CTNNAL1: variants seen among roughly 807,000 people sequenced by gnomAD.
CTNNAL1 encodes the protein alpha-catulin.
CTNNAL1 carries 69 observed loss-of-function variants against 93.6 expected under a neutral mutation model. The ratio of observed to expected loss-of-function variants is 0.74; its 90% CI spans 0.61 to 0.90. The LOEUF is 0.90. Ranked by LOEUF, CTNNAL1 falls within the 40% of genes least tolerant of loss-of-function variation. CTNNAL1 has a pLI of 0.00. For missense variants in CTNNAL1, 836 were observed against 862.0 expected (o/e 0.97, Z 0.38); for synonymous variants, 286 against 305.4 (o/e 0.94, Z 0.66).
chr9:108,942,943 A>G lies in CTNNAL1; in HGVS notation c.2139+18T>C, dbSNP rs192684778. The stretch of plus-strand genomic sequence containing the variant: ...CCATTTTTTAAAGTATGAGTCTAAA[A>G]TAGAAAAACTACCTCACCTTCTTCA... On this transcript the variant is annotated intron_variant, in intron 18 of 18. Coordinates refer to ENST00000325551, the MANE Select transcript of CTNNAL1 (RefSeq NM_003798.4). The G allele has an allele frequency of 6.2e-7, 1 of 1,611,062 alleles. No individual in the cohort carries two copies. Among genetic ancestry groups the G allele is most frequent in the Admixed American group, 1.7e-5 (1 of 59,492 alleles).
At chr9:108,986,441 G>A in intron 4 of CTNNAL1, among the ~76,000 whole-genome samples, 2 of 150,122 alleles carry the variant, frequency 1.3e-5, no homozygotes, top group South Asian at 2.2e-4. Context: ...TGGACATTTG[G>A]GTTGGTTCCA....
chr9:108,964,848 T>C lies in CTNNAL1; in HGVS notation c.1591+530A>G, dbSNP rs569015267. Among the ~76,000 whole-genome samples, 9 of 151,366 alleles carry C rather than the reference T, an allele frequency of 5.9e-5. No individual in the cohort carries two copies. The South Asian group carries it at 8.4e-4, about 14-fold the overall frequency. On this transcript the variant is annotated intron_variant, in intron 11 of 18. Transcript: ENST00000325551. ...AGATCTACTATGCTGTTTGTTTTATTTATTTATTTATTTATTTATTTATTT... is the reference window on the plus strand; with the variant it reads ...AGATCTACTATGCTGTTTGTTTTATCTATTTATTTATTTATTTATTTATTT...
At chr9:108,984,505 T>TAGTGTTGAA in intron 4 of CTNNAL1, 69 bp from the exon 5 acceptor site, 1 of 835,540 alleles carries the variant, frequency 1.2e-6, no homozygotes, top group Non-Finnish European at 2.0e-6. Flanking sequence ...AAAAAAGTAT[T>TAGTGTTGAA]TATTCAACAC....
intron 12 of CTNNAL1, among the ~76,000 whole-genome samples, chr9:108,954,008 C>T (rs1830632746): frequency 6.6e-6 from 1 of 152,096 alleles, no homozygotes; most frequent in Admixed American, 6.5e-5. Context: ...TAGTTTTATT[C>T]AGAATTTTAT....
At chr9:108,992,039 C>T (rs1831827048) in intron 3 of CTNNAL1, 1 of 764,822 alleles carries the variant, frequency 1.3e-6, no homozygotes, top group Non-Finnish European at 2.4e-6. Context: ...ACTGATTTAA[C>T]TGTGTCTTAA....
chr9:109,003,407 C>T (rs1826911514), intron 1 of CTNNAL1, among the ~76,000 whole-genome samples: 2 of 152,170 alleles, frequency 1.3e-5, no homozygotes, highest in South Asian at 2.1e-4. Context: ...AGCTTTCATA[C>T]CAGCCCCTGC....
intron 1 of CTNNAL1, among the ~76,000 whole-genome samples, chr9:109,004,978 T>C (rs2132214732): frequency 6.6e-6 from 1 of 152,270 alleles, no homozygotes; most frequent in Non-Finnish European, 1.5e-5. Flanking sequence ...ACTTGGCTCA[T>C]ACAACTAATA....
chr9:108,968,918 AT>A (rs892817281), intron 10 of CTNNAL1, among the ~76,000 whole-genome samples: 1 of 151,802 alleles, frequency 6.6e-6, no homozygotes. Flanking sequence ...TATAAATAAT[AT>A]TTAAAAAAAT....
intron 10 of CTNNAL1, among the ~76,000 whole-genome samples, chr9:108,966,897 A>G (rs979734512): frequency 6.6e-6 from 1 of 152,198 alleles, no homozygotes; most frequent in African/African-American, 2.4e-5. Flanking sequence ...CTACCTCAAA[A>G]TAGAAGCCAT....
At chr9:108,990,892 G>A (rs1387123065) in intron 3 of CTNNAL1, 47 bp from the exon 4 acceptor site, 4 of 1,573,468 alleles carry the variant, frequency 2.5e-6, no homozygotes, top group African/African-American at 2.7e-5. Flanking sequence ...CTACTCAAGA[G>A]ACTGAGATTG....
intron 1 of CTNNAL1, among the ~76,000 whole-genome samples, chr9:109,012,610 C>G (rs552362553): frequency 2.6e-5 from 4 of 152,296 alleles, no homozygotes; most frequent in African/African-American, 9.6e-5. Context: ...CGCACACATC[C>G]CAAACGGGAC....
At chr9:108,972,864 G>GGGGGGGCCCCCCCCCCCCCC in intron 8 of CTNNAL1, 31 bp from the exon 9 acceptor site, 7 of 142,518 alleles carry the variant, frequency 4.9e-5, no homozygotes, top group South Asian at 1.2e-4. Context: ...GGGGGGGTGG[G>GGGGGGGCCCCCCCCCCCCCC]AGGGTGGAGA....
At chr9:108,986,417 C>T (rs1430858655) in intron 4 of CTNNAL1, among the ~76,000 whole-genome samples, 1 of 149,790 alleles carries the variant, frequency 6.7e-6, no homozygotes, top group Admixed American at 6.7e-5. Context: ...TTTCTTAATC[C>T]AGTCTATCAT....
intron 12 of CTNNAL1, 131 bp from the exon 13 acceptor site, chr9:108,952,625 A>C: frequency 8.6e-7 from 1 of 1,161,264 alleles, no homozygotes; most frequent in Admixed American, 2.5e-5. Context: ...TAATGACTGA[A>C]TATTTTACCA....
chr9:108,974,313 G>A (rs1397538263), intron 8 of CTNNAL1, among the ~76,000 whole-genome samples: 2 of 152,164 alleles, frequency 1.3e-5, no homozygotes, highest in African/African-American at 4.8e-5. Flanking sequence ...CAATACTTTG[G>A]TTAAAACTGA....
intron 7 of CTNNAL1, among the ~76,000 whole-genome samples, chr9:108,977,888 C>T (rs965970091): frequency 1.3e-5 from 2 of 152,108 alleles, no homozygotes; most frequent in Non-Finnish European, 2.9e-5. Context: ...CCGCAAATTT[C>T]TATATTGTAA....
chr9:108,964,408 T>A (rs1830899922), intron 11 of CTNNAL1, among the ~76,000 whole-genome samples: 1 of 152,124 alleles, frequency 6.6e-6, no homozygotes, highest in Non-Finnish European at 1.5e-5. Flanking sequence ...GCTTTGACAC[T>A]ACAGAAGCCA....
intron 2 of CTNNAL1, among the ~76,000 whole-genome samples, chr9:108,994,489 G>A (rs879442985): frequency 5.9e-5 from 9 of 152,146 alleles, no homozygotes; most frequent in Non-Finnish European, 8.8e-5. Context: ...AAAGAAAATC[G>A]AAGGGCATTG....
intron 1 of CTNNAL1, among the ~76,000 whole-genome samples, chr9:109,000,537 A>G (rs1826766898): frequency 6.6e-6 from 1 of 152,194 alleles, no homozygotes; most frequent in Admixed American, 6.5e-5. Context: ...GTTATGTACA[A>G]AATGTTAGGA....
Sources: gnomAD v4.1 joint callset for allele counts (sites outside exome capture counted in the v4.1 genomes callset) on GRCh38, gnomAD v4.1.1 for gene constraint, MANE v1.5 for transcripts, NCBI Gene and HGNC (gene_info 2026-07-23, HGNC 2026-07-21) for gene names.